CTTN: variants seen among roughly 807,000 people sequenced by gnomAD.
CTTN encodes src substrate cortactin.
Under a neutral mutation model 84.0 loss-of-function variants are expected in CTTN, and 28 were observed. The observed-to-expected ratio is 0.33, with a 90% CI of 0.25 to 0.46. The LOEUF (loss-of-function observed/expected upper bound fraction) is 0.46, where lower values mean the gene tolerates loss of function less well. Among genes scored for constraint, CTTN ranks in the 20% least tolerant of loss-of-function variants. CTTN has a pLI of 1.00. For synonymous variants in CTTN, 301 were observed against 288.8 expected (o/e 1.04, Z -0.43); for missense variants, 641 against 723.8 (o/e 0.89, Z 1.31).
At chr11:70,422,648 T>G in intron 11 of CTTN, 1 of 1,388,840 alleles carries the variant, frequency 7.2e-7, no homozygotes, top group Non-Finnish European at 9.5e-7. Flanking sequence ...CCGTGCCCTC[T>G]TTCCTCGCTT....
chr11:70,399,917 C>G (rs2057956527), intron 1 of CTTN, among the ~76,000 whole-genome samples: 1 of 152,140 alleles, frequency 6.6e-6, no homozygotes, highest in African/African-American at 2.4e-5. Context: ...GGCCCAAGGC[C>G]GTGGCGCAGG....
chr11:70,416,121 C>T, intron 7 of CTTN: 2 of 204,790 alleles, frequency 9.8e-6, no homozygotes, highest in Non-Finnish European at 2.0e-5. Context: ...TCTTGTTTTC[C>T]TTATACACAT....
intron 5 of CTTN, among the ~76,000 whole-genome samples, chr11:70,412,229 C>T (rs747964132): frequency 1.3e-5 from 2 of 152,154 alleles, no homozygotes; most frequent in Non-Finnish European, 2.9e-5. Flanking sequence ...GAGTTTGAGA[C>T]CAGCCTGGGC....
At chr11:70,415,857 G>A (rs1438601260) in intron 7 of CTTN, 140 bp downstream of exon 7, 2 of 768,466 alleles carry the variant, frequency 2.6e-6, no homozygotes, top group Non-Finnish European at 4.6e-6. Flanking sequence ...CCTGAGCGGT[G>A]GCTGTTGCCA....
chr11:70,428,023 C>T (rs1351347760), intron 13 of CTTN, among the ~76,000 whole-genome samples: 1 of 152,104 alleles, frequency 6.6e-6, no homozygotes, highest in Non-Finnish European at 1.5e-5. Context: ...GTTGTTATTT[C>T]AGGGAAAAAC....
At chr11:70,428,131 G>A (rs953729021) in intron 13 of CTTN, among the ~76,000 whole-genome samples, 1 of 150,166 alleles carries the variant, frequency 6.7e-6, no homozygotes, top group Admixed American at 6.6e-5. Context: ...GACACAGCAG[G>A]GAAGGCTCAT....
At chr11:70,401,145 A>G (rs751634728) in intron 1 of CTTN, among the ~76,000 whole-genome samples, 3 of 152,040 alleles carry the variant, frequency 2.0e-5, no homozygotes, top group Non-Finnish European at 2.9e-5. Flanking sequence ...AGATCAGCCT[A>G]GGCAACATGG....
At chr11:70,401,193 G>T (rs145108359) in intron 1 of CTTN, among the ~76,000 whole-genome samples, 1 of 151,856 alleles carries the variant, frequency 6.6e-6, no homozygotes, top group South Asian at 2.1e-4. Flanking sequence ...AAAATTGGCC[G>T]GGTATGGTGG....
At chr11:70,406,976 A>T (rs979786431) in intron 2 of CTTN, among the ~76,000 whole-genome samples, 1 of 152,254 alleles carries the variant, frequency 6.6e-6, no homozygotes, top group Admixed American at 6.5e-5. Flanking sequence ...TGAACAGAAC[A>T]GGAATATGTT....
chr11:70,435,794 G>T lies in CTTN; in HGVS notation c.*632G>T, dbSNP rs777132341. 2 of 1,580,840 alleles carry T rather than the reference G, an allele frequency of 1.3e-6. No individual in the cohort carries two copies. Among genetic ancestry groups the T allele is most frequent in the Middle Eastern group, 2.2e-4 (1 of 4,622 alleles). The stretch of plus-strand genomic sequence containing the variant: ...TTTTTTCCTGTGCCCACTCCGGCTT[G>T]TCCTCATCTCTACCCATCCCCTGAT... On this transcript the variant is annotated 3_prime_UTR_variant, in exon 18 of 18. Transcript: ENST00000301843.
chr11:70,417,006 T>C lies in CTTN; in HGVS notation c.458-7T>C, dbSNP rs2058170139. The C allele has an allele frequency of 6.2e-7, 1 of 1,612,056 alleles. No homozygotes were observed. The highest frequency in any genetic ancestry group is 8.5e-7 in the Non-Finnish European group (1 of 1,178,112). On this transcript the variant is annotated splice_region_variant and splice_polypyrimidine_tract_variant and intron_variant, in intron 7 of 17. Transcript: ENST00000301843. ...CCCCCGTGCTAATTGCTGCCCTGTCTCTCCAGACTACTCCAGTGGTTTTGG... is the reference window on the plus strand; with the variant it reads ...CCCCCGTGCTAATTGCTGCCCTGTCCCTCCAGACTACTCCAGTGGTTTTGG...
chr11:70,411,754 G>T (rs2058098760), intron 5 of CTTN, among the ~76,000 whole-genome samples: 1 of 152,142 alleles, frequency 6.6e-6, no homozygotes, highest in Admixed American at 6.5e-5. Flanking sequence ...CGAGTGCCAG[G>T]AGCTCCCTGG....
intron 1 of CTTN, among the ~76,000 whole-genome samples, chr11:70,404,080 A>G (rs764646786): frequency 3.3e-5 from 5 of 152,290 alleles, no homozygotes; most frequent in Admixed American, 2.0e-4. Flanking sequence ...ATGCTTGCCG[A>G]TTACACTAAT....
chr11:70,417,244 C>T (rs1365915782), intron 8 of CTTN, 121 bp downstream of exon 8: 6 of 765,202 alleles, frequency 7.8e-6, no homozygotes, highest in East Asian at 5.3e-5. Flanking sequence ...GTGTTCTTTT[C>T]GTACCAGTGT....
At position 70,423,801 on chromosome 11, in the gene CTTN, C is replaced by T. The variant is rs77869042; in HGVS notation, c.957+806C>T. 3.0e-3 allele frequency among the ~76,000 whole-genome samples: 451 copies of T among 152,356 alleles called. 2 individuals carry two copies. The highest frequency in any genetic ancestry group is 0.01 in the African/African-American group (432 of 41,584). On this transcript the variant is annotated intron_variant, in intron 12 of 17. Coordinates refer to ENST00000301843, the MANE Select transcript of CTTN (RefSeq NM_005231.4). ...TGCATGTCGTGACATGCGTCACACA[C>T]CACAGAGCATCTGACGTGCGTGGCC...
chr11:70,401,981 A>G (rs1377292764), intron 1 of CTTN, among the ~76,000 whole-genome samples: 4 of 151,892 alleles, frequency 2.6e-5, no homozygotes. Context: ...ATGAAACCCC[A>G]TCTCTACTAA....
chr11:70,412,698 C>G (rs576848387), intron 5 of CTTN, among the ~76,000 whole-genome samples: 10 of 152,264 alleles, frequency 6.6e-5, no homozygotes, highest in African/African-American at 2.2e-4. Context: ...GCATCCATCA[C>G]GCGGGGCAGG....
intron 14 of CTTN, among the ~76,000 whole-genome samples, chr11:70,429,984 C>T (rs1166781362): frequency 6.6e-6 from 1 of 152,200 alleles, no homozygotes; most frequent in Non-Finnish European, 1.5e-5. Context: ...TGCAGGGCCA[C>T]ACAGGACGTG....
chr11:70,421,589 G>T lies in CTTN; in HGVS notation c.901+9G>T. On this transcript the variant is annotated intron_variant, in intron 11 of 17. Transcript: ENST00000301843. ...GCACGAGTCCCAGCAAGGCACAGTT[G>T]CCACCAGCCTCCTACCCTCCCCCCG... 1 of 1,601,404 alleles carries T rather than the reference G, an allele frequency of 6.2e-7. No homozygotes were observed. The highest frequency in any genetic ancestry group is 8.6e-7 in the Non-Finnish European group (1 of 1,168,448).
Sources: gnomAD v4.1 joint callset for allele counts (sites outside exome capture counted in the v4.1 genomes callset) on GRCh38, gnomAD v4.1.1 for gene constraint, MANE v1.5 for transcripts, NCBI Gene and HGNC (gene_info 2026-07-23, HGNC 2026-07-21) for gene names.